Variants in PRKAA2 observed in about 807,000 individuals in gnomAD.
PRKAA2 encodes protein kinase AMP-activated catalytic subunit alpha 2, also known as 5'-AMP-activated protein kinase catalytic subunit alpha-2.
In PRKAA2, 40 loss-of-function variants were observed where a neutral mutation model predicts 56.3. That is an observed-to-expected ratio of 0.71 (90% CI 0.55 to 0.92). The LOEUF (loss-of-function observed/expected upper bound fraction) is 0.92. Among genes scored for constraint, PRKAA2 ranks in the 40% least tolerant of loss-of-function variants. PRKAA2 has a pLI of 0.00. For synonymous variants in PRKAA2, 214 were observed against 234.2 expected (o/e 0.91, Z 0.79); for missense variants, 542 against 686.9 (o/e 0.79, Z 2.36).
chr1:56,674,281 T>C (rs1182743014), intron 1 of PRKAA2, 100 bp from the exon 2 acceptor site: 8 of 986,388 alleles, frequency 8.1e-6, no homozygotes, highest in Admixed American at 5.8e-5. Flanking sequence ...ATAAAGATGG[T>C]ATATATGAGT....
Position 56,707,580 on chromosome 1 carries a change from G to A in PRKAA2, c.1526G>A (p.Ser509Asn). 6.2e-7 allele frequency: 1 copy of A among 1,614,096 alleles called. No individual in the cohort carries two copies. Residue 509 changes from serine to asparagine, a missense_variant, in exon 9 of 9, where the codon AGC becomes AAC. By Grantham distance (46) the Ser-to-Asn change is conservative. Coordinates refer to ENST00000371244, the MANE Select transcript of PRKAA2 (RefSeq NM_006252.4). ...RSSFDSTTAE[S>N]HSLSGSLTGS... is the part of the protein sequence containing the mutation. The stretch of plus-strand genomic sequence containing the variant: ...AGTTTTGATTCCACAACTGCAGAGA[G>A]CCATTCACTTTCTGGCTCTCTCACT...
At chr1:56,691,550 A>G (rs1378860808) in intron 3 of PRKAA2, 63 bp downstream of exon 3, 2 of 1,305,928 alleles carry the variant, frequency 1.5e-6, no homozygotes, top group Non-Finnish European at 2.1e-6. Flanking sequence ...GTATTGGGAC[A>G]TAGAACAATG....
chr1:56,684,113 A>G (rs1474891279), intron 2 of PRKAA2, among the ~76,000 whole-genome samples: 1 of 152,146 alleles, frequency 6.6e-6, no homozygotes, highest in Non-Finnish European at 1.5e-5. Flanking sequence ...GCTAACAGAT[A>G]AAATGTGAGT....
At chr1:56,658,070 A>G (rs994837185) in intron 1 of PRKAA2, among the ~76,000 whole-genome samples, 13 of 152,208 alleles carry the variant, frequency 8.5e-5, no homozygotes, top group Non-Finnish European at 1.8e-4. Context: ...TGTTTGGGAA[A>G]TGTAAAAACA....
chr1:56,652,500 C>G (rs1405951153), intron 1 of PRKAA2, among the ~76,000 whole-genome samples: 1 of 152,132 alleles, frequency 6.6e-6, no homozygotes, highest in African/African-American at 2.4e-5. Context: ...AGAACTTGTA[C>G]AAATGATTTG....
intron 1 of PRKAA2, among the ~76,000 whole-genome samples, chr1:56,665,133 G>C (rs1204148617): frequency 2.7e-5 from 4 of 150,578 alleles, no homozygotes; most frequent in Non-Finnish European, 4.4e-5. Context: ...GAGTACAGTG[G>C]CACTGTCTTG....
At chr1:56,664,702 G>C (rs1233592172) in intron 1 of PRKAA2, among the ~76,000 whole-genome samples, 1 of 151,950 alleles carries the variant, frequency 6.6e-6, no homozygotes, top group Non-Finnish European at 1.5e-5. Flanking sequence ...CTCCAAAATT[G>C]ATTGCTTATA....
At position 56,665,488 on chromosome 1, in the gene PRKAA2, A is replaced by G. The variant is rs184896987; in HGVS notation, c.95-8893A>G. Among the ~76,000 whole-genome samples, 13 of 152,342 alleles carry G rather than the reference A, an allele frequency of 8.5e-5. No individual in the cohort carries two copies. The East Asian group carries it at 1.7e-3, about 20-fold the overall frequency. ...GCAGCATTGAAAGCTTCTTATAAATACTTCAAAGCACTTGAGCACTTTTAA... is the reference window on the plus strand; with the variant it reads ...GCAGCATTGAAAGCTTCTTATAAATGCTTCAAAGCACTTGAGCACTTTTAA... On this transcript the variant is annotated intron_variant, in intron 1 of 8. Coordinates refer to ENST00000371244, the MANE Select transcript of PRKAA2 (RefSeq NM_006252.4).
chr1:56,654,899 T>A (rs1643928162), intron 1 of PRKAA2, among the ~76,000 whole-genome samples: 1 of 152,084 alleles, frequency 6.6e-6, no homozygotes, highest in Non-Finnish European at 1.5e-5. Flanking sequence ...TGCCATTAGA[T>A]CTTTTTAAAC....
In PRKAA2 at chr1:56,711,252, G is replaced by A. The variant is rs1171087188; in HGVS notation, c.*3539G>A. Reference sequence around the variant, plus strand: ...CTTTTTCTTATTCCCTAGACAGTTTGTACTCAGGGAATACAAATTGATTTT... The same window carrying A: ...CTTTTTCTTATTCCCTAGACAGTTTATACTCAGGGAATACAAATTGATTTT... On this transcript the variant is annotated 3_prime_UTR_variant, in exon 9 of 9. Transcript: ENST00000371244. 3 of 151,992 alleles carry A rather than the reference G, an allele frequency of 2.0e-5. No homozygotes were observed. The highest frequency in any genetic ancestry group is 7.2e-5 in the African/African-American group (3 of 41,402). 9.4% of individuals were successfully genotyped at this position (151,992 alleles called of 1,614,324 possible). A position where few individuals can be genotyped will look rare whatever the true frequency, so the allele number is the denominator to read the frequency against.
rs560557419 is a variant in PRKAA2, at chr1:56,711,026, T to G, written c.*3313T>G. 2.1e-4 allele frequency: 32 copies of G among 152,264 alleles called. No homozygotes were observed. The highest frequency in any genetic ancestry group is 7.7e-4 in the African/African-American group (32 of 41,578). 9.4% of individuals were successfully genotyped at this position (152,264 alleles called of 1,614,324 possible). Reference sequence around the variant, plus strand: ...CCATTTACAAGTTGGGTTTTTGTTTTGATTAACCTGTTAAGAGACACTTTT... The same window carrying G: ...CCATTTACAAGTTGGGTTTTTGTTTGGATTAACCTGTTAAGAGACACTTTT... On this transcript the variant is annotated 3_prime_UTR_variant, in exon 9 of 9. Coordinates refer to ENST00000371244, the MANE Select transcript of PRKAA2 (RefSeq NM_006252.4).
chr1:56,647,330 A>C (rs1646651222), intron 1 of PRKAA2, among the ~76,000 whole-genome samples: 1 of 152,234 alleles, frequency 6.6e-6, no homozygotes, highest in African/African-American at 2.4e-5. Context: ...ATGTACACAC[A>C]AAGTTATATA....
At chr1:56,671,597 A>G (rs965675230) in intron 1 of PRKAA2, 1 of 152,166 alleles carries the variant, frequency 6.6e-6, no homozygotes, top group Non-Finnish European at 1.5e-5. Flanking sequence ...AAATTTTTTG[A>G]CATAATTTAC....
intron 1 of PRKAA2, among the ~76,000 whole-genome samples, chr1:56,664,316 T>G (rs533868428): frequency 6.6e-6 from 1 of 152,298 alleles, no homozygotes; most frequent in African/African-American, 2.4e-5. Context: ...AAACTGTTGC[T>G]TATCCTTCTT....
intron 1 of PRKAA2, among the ~76,000 whole-genome samples, chr1:56,665,672 C>A (rs1644030137): frequency 6.6e-6 from 1 of 152,100 alleles, no homozygotes; most frequent in Admixed American, 6.6e-5. Context: ...ATAAAAGTTC[C>A]AGTTGCTGTA....
intron 1 of PRKAA2, among the ~76,000 whole-genome samples, chr1:56,655,664 A>T (rs1394133092): frequency 6.6e-6 from 1 of 152,082 alleles, no homozygotes; most frequent in African/African-American, 2.4e-5. Flanking sequence ...TTTCAGTGTG[A>T]GATTTGGATA....
At chr1:56,683,462 G>A (rs772361124) in intron 2 of PRKAA2, among the ~76,000 whole-genome samples, 27 of 152,114 alleles carry the variant, frequency 1.8e-4, no homozygotes, top group Non-Finnish European at 3.5e-4. Context: ...CACAGAGTAT[G>A]TATAGGGAAG....
intron 8 of PRKAA2, 141 bp from the exon 9 acceptor site, chr1:56,707,334 A>G: frequency 1.5e-6 from 1 of 684,592 alleles, no homozygotes; most frequent in East Asian, 2.6e-5. Flanking sequence ...CTGTGTTTCT[A>G]CAACACAGAA....
chr1:56,705,092 A>G (rs1236716012), intron 7 of PRKAA2, among the ~76,000 whole-genome samples: 1 of 152,110 alleles, frequency 6.6e-6, no homozygotes, highest in Middle Eastern at 3.2e-3. Context: ...CTTTTCAGAT[A>G]TGCCTTTCAC....
Sources: gnomAD v4.1 joint callset for allele counts (sites outside exome capture counted in the v4.1 genomes callset) on GRCh38, gnomAD v4.1.1 for gene constraint, MANE v1.5 for transcripts, NCBI Gene and HGNC (gene_info 2026-07-23, HGNC 2026-07-21) for gene names.